PSEN1: variants seen among roughly 807,000 people sequenced by gnomAD.
PSEN1 encodes presenilin-1.
PSEN1 carries 15 observed loss-of-function variants against 53.5 expected under a neutral mutation model. That is an observed-to-expected ratio of 0.28 (90% CI 0.19 to 0.43). The LOEUF (loss-of-function observed/expected upper bound fraction) is 0.43. Among genes scored for constraint, PSEN1 ranks in the 20% least tolerant of loss-of-function variants. The pLI is 1.00. For synonymous variants in PSEN1, 208 were observed against 209.8 expected, an observed-to-expected ratio of 0.99 and a Z score of 0.08; for missense variants, 387 against 571.2, an observed-to-expected ratio of 0.68 and a Z score of 3.29.
At chr14:73,218,178 C>T (rs1900001031) in intron 11 of PSEN1, among the ~76,000 whole-genome samples, 1 of 149,622 alleles carries the variant, frequency 6.7e-6, no homozygotes, top group South Asian at 2.1e-4. Flanking sequence ...CTTCTGCCTC[C>T]TAGGTTCAAG....
chr14:73,219,112 G>T (rs760244944), intron 11 of PSEN1, 22 bp from the exon 12 acceptor site: 2 of 1,612,878 alleles, frequency 1.2e-6, no homozygotes, highest in African/African-American at 1.3e-5. Context: ...GTGAATGTGT[G>T]TCTTTCCCAT....
At position 73,150,534 on chromosome 14, in the gene PSEN1, C is replaced by A. The variant is rs376532187; in HGVS notation, c.87+2428C>A. On this transcript the variant is annotated intron_variant, in intron 3 of 11. Coordinates refer to ENST00000324501, the MANE Select transcript of PSEN1 (RefSeq NM_000021.4). ...ATCCCAGCAATTTGGGAGGCCGAGG[C>A]TGGTGGATCACAAGGTCAGGAGTTC... Among the ~76,000 whole-genome samples, 179 of 147,854 alleles carry A rather than the reference C, an allele frequency of 1.2e-3. 1 individual carries two copies. Among genetic ancestry groups the A allele is most frequent in the African/African-American group, 4.3e-3 (173 of 40,084 alleles).
intron 8 of PSEN1, among the ~76,000 whole-genome samples, chr14:73,202,464 T>TATATA (rs1899263554): frequency 2.1e-4 from 4 of 19,290 alleles, no homozygotes; most frequent in Admixed American, 8.3e-4. Flanking sequence ...ATATATATAT[T>TATATA]TTTTTTTTTT....
chr14:73,211,533 C>T (rs1899679052), intron 9 of PSEN1, among the ~76,000 whole-genome samples: 1 of 152,024 alleles, frequency 6.6e-6, no homozygotes, highest in African/African-American at 2.4e-5. Flanking sequence ...TCAGGATTCA[C>T]CACCAGAGTC....
chr14:73,170,710 C>A, intron 3 of PSEN1, 87 bp from the exon 4 acceptor site: 1 of 1,395,496 alleles, frequency 7.2e-7, no homozygotes. Flanking sequence ...CTCATAGTGA[C>A]GGGTCTGTTG....
intron 3 of PSEN1, among the ~76,000 whole-genome samples, chr14:73,152,133 G>A (rs1330402795): frequency 6.9e-6 from 1 of 145,872 alleles, no homozygotes; most frequent in Non-Finnish European, 1.5e-5. Context: ...GGATGGTCTC[G>A]GATCTCCTGA....
chr14:73,200,331 G>T (rs771671834), intron 8 of PSEN1, among the ~76,000 whole-genome samples: 5 of 151,960 alleles, frequency 3.3e-5, no homozygotes, highest in African/African-American at 9.7e-5. Flanking sequence ...GTACAGTGGC[G>T]CAATCTCAAC....
At chr14:73,198,459 G>A (rs911132518) in intron 8 of PSEN1, among the ~76,000 whole-genome samples, 1 of 152,196 alleles carries the variant, frequency 6.6e-6, no homozygotes, top group Non-Finnish European at 1.5e-5. Context: ...CTGCTATTCG[G>A]TGACCACTGG....
chr14:73,210,578 C>G (rs1899636361), intron 9 of PSEN1, among the ~76,000 whole-genome samples: 1 of 152,092 alleles, frequency 6.6e-6, no homozygotes, highest in African/African-American at 2.4e-5. Flanking sequence ...GAATGAGTAT[C>G]AGAAGTGAGG....
Position 73,206,460 on chromosome 14 carries a change from T to G in PSEN1, c.943T>G (p.Tyr315Asp). 1.2e-6 allele frequency: 2 copies of G among 1,612,852 alleles called. No individual in the cohort carries two copies. The highest frequency in any genetic ancestry group is 8.5e-7 in the Non-Finnish European group (1 of 1,178,842). Reference sequence around the variant, plus strand: ...AAGGAGAGTATCCAAAAATTCCAAGTATAATGCAGAAAGTAGGTAACTTTT... The same window carrying G: ...AAGGAGAGTATCCAAAAATTCCAAGGATAATGCAGAAAGTAGGTAACTTTT... Reference protein sequence around the residue: ...AQRRVSKNSKYNAESTERESQ... With the variant: ...AQRRVSKNSKDNAESTERESQ... Residue 315 changes from tyrosine (Y) to aspartate (D), a missense_variant, in exon 9 of 12, where the codon TAT becomes GAT. Physicochemically the swap from Tyr to Asp is radical, Grantham distance 160. Transcript: ENST00000324501.
At chr14:73,212,053 C>T (rs1850371400) in intron 10 of PSEN1, 111 bp downstream of exon 10, 1 of 507,448 alleles carries the variant, frequency 2.0e-6, no homozygotes. Context: ...TTCTATATCA[C>T]ATGTAACTTT....
At chr14:73,148,825 C>T (rs766108467) in intron 3 of PSEN1, among the ~76,000 whole-genome samples, 1 of 152,096 alleles carries the variant, frequency 6.6e-6, no homozygotes, top group Non-Finnish European at 1.5e-5. Flanking sequence ...CCCAGCTACT[C>T]AGGAGGCTGA....
At chr14:73,163,482 A>G (rs776378886) in intron 3 of PSEN1, among the ~76,000 whole-genome samples, 42 of 152,248 alleles carry the variant, frequency 2.8e-4, no homozygotes, top group Admixed American at 5.9e-4. Flanking sequence ...ACAAATATTT[A>G]TAGAGTACAG....
intron 3 of PSEN1, among the ~76,000 whole-genome samples, chr14:73,152,137 C>G (rs1251521923): frequency 1.4e-5 from 2 of 147,424 alleles, no homozygotes; most frequent in Non-Finnish European, 3.0e-5. Context: ...GGTCTCGGAT[C>G]TCCTGACCTC....
chr14:73,181,461 A>G (rs28431180), intron 5 of PSEN1, among the ~76,000 whole-genome samples: 86 of 152,254 alleles, frequency 5.6e-4, no homozygotes, highest in African/African-American at 1.9e-3. Flanking sequence ...CAATCAGTCA[A>G]TCAATCATAG....
At chr14:73,194,401 C>T (rs1338408375) in intron 7 of PSEN1, among the ~76,000 whole-genome samples, 1 of 151,948 alleles carries the variant, frequency 6.6e-6, no homozygotes, top group East Asian at 1.9e-4. Flanking sequence ...GAACTACAGG[C>T]ATGCACTACC....
chr14:73,219,423 A>C lies in PSEN1; in HGVS notation c.*134A>C. On this transcript the variant is annotated 3_prime_UTR_variant, in exon 12 of 12. Coordinates refer to ENST00000324501, the MANE Select transcript of PSEN1 (RefSeq NM_000021.4). ...GGCTGGACTTTTGCAGCTTCCTTCC[A>C]AGTCTTCCTGACCACCTTGCACTAT... The C allele has an allele frequency of 9.7e-7, 1 of 1,027,630 alleles. No individual in the cohort carries two copies. The highest frequency in any genetic ancestry group is 1.8e-5 in the Admixed American group (1 of 56,398). The allele number at this position is 1,027,630 out of a possible 1,614,324, so 63.7% of individuals were successfully genotyped here.
chr14:73,159,411 C>G (rs374167415), intron 3 of PSEN1, among the ~76,000 whole-genome samples: 1 of 152,116 alleles, frequency 6.6e-6, no homozygotes, highest in South Asian at 2.1e-4. Flanking sequence ...TGGCCTACTT[C>G]AAGTTCTCAG....
chr14:73,198,141 A>C lies in PSEN1; in HGVS notation c.868+12A>C. 2.0e-6 allele frequency: 3 copies of C among 1,478,536 alleles called. No homozygotes were observed. The highest frequency in any genetic ancestry group is 2.8e-6 in the Non-Finnish European group (3 of 1,058,170). The allele number at this position is 1,478,536 out of a possible 1,614,324, so 91.6% of individuals were successfully genotyped here. A position where few individuals can be genotyped will look rare whatever the true frequency, so the allele number is the denominator to read the frequency against. On this transcript the variant is annotated intron_variant, in intron 8 of 11. Transcript: ENST00000324501. Reference sequence around the variant, plus strand: ...TCTCATTTACTCCTGTAAGTATTTGAGAAGGATATTGAATTAGTAATCAGT... The same window carrying C: ...TCTCATTTACTCCTGTAAGTATTTGCGAAGGATATTGAATTAGTAATCAGT...
Sources: gnomAD v4.1 joint callset for allele counts (sites outside exome capture counted in the v4.1 genomes callset) on GRCh38, gnomAD v4.1.1 for gene constraint, MANE v1.5 for transcripts, NCBI Gene and HGNC (gene_info 2026-07-23, HGNC 2026-07-21) for gene names.